The following GALNT2 variants were observed in gnomAD, a reference collection of about 807,000 sequenced individuals.
GALNT2 encodes UDP-GalNAc:polypeptide N-acetylgalactosaminyltransferase 2.
In GALNT2, 31 loss-of-function variants were observed where a neutral mutation model predicts 81.4. The ratio of observed to expected loss-of-function variants is 0.38; its 90% CI spans 0.29 to 0.51. The LOEUF (loss-of-function observed/expected upper bound fraction) is 0.51. GALNT2 is among the 20% of genes least tolerant of loss of function. The pLI, the probability that GALNT2 is intolerant of heterozygous loss-of-function variation, is 0.87. For synonymous variants in GALNT2, 303 were observed against 287.4 expected (o/e 1.05, Z -0.55); for missense variants, 629 against 765.7 (o/e 0.82, Z 2.11).
chr1:230,276,072 A>G (rs1308927952), intron 15 of GALNT2, among the ~76,000 whole-genome samples: 1 of 149,986 alleles, frequency 6.7e-6, no homozygotes, highest in Non-Finnish European at 1.5e-5. Context: ...GTATATATAC[A>G]TGCCACATAT....
At chr1:230,078,169 G>A (rs1020158423) in intron 1 of GALNT2, among the ~76,000 whole-genome samples, 1 of 152,126 alleles carries the variant, frequency 6.6e-6, no homozygotes, top group African/African-American at 2.4e-5. Context: ...TCATATCTGC[G>A]GGTTGCACAT....
At chr1:230,137,133 C>T (rs371910692) in intron 1 of GALNT2, among the ~76,000 whole-genome samples, 4 of 152,234 alleles carry the variant, frequency 2.6e-5, no homozygotes, top group Admixed American at 6.5e-5. Flanking sequence ...TTCCCACCCC[C>T]GCCTGCACCC....
chr1:230,243,218 C>T lies in GALNT2; in HGVS notation c.608-88C>T. On this transcript the variant is annotated intron_variant, in intron 6 of 15. Coordinates refer to ENST00000366672, the MANE Select transcript of GALNT2 (RefSeq NM_004481.5). This position sits in a 1 kb window ranked among gnomAD's most constrained non-coding sequence, Gnocchi z 4.2. Reference sequence around the variant, plus strand: ...GCCCAGAAAGCAGGCTGCAGAGCTGCGGGCAGGGAGGCGTCGCCGGTTGGC... The same window carrying T: ...GCCCAGAAAGCAGGCTGCAGAGCTGTGGGCAGGGAGGCGTCGCCGGTTGGC... The T allele has an allele frequency of 4.8e-6, 7 of 1,471,824 alleles. No individual in the cohort carries two copies. The highest frequency in any genetic ancestry group is 2.5e-5 in the East Asian group (1 of 40,664). 91.2% of individuals were successfully genotyped at this position (1,471,824 alleles called of 1,614,324 possible). A position where few individuals can be genotyped will look rare whatever the true frequency, so the allele number is the denominator to read the frequency against.
At chr1:230,080,392 A>G (rs563013940) in intron 1 of GALNT2, among the ~76,000 whole-genome samples, 1 of 152,314 alleles carries the variant, frequency 6.6e-6, no homozygotes, top group Admixed American at 6.5e-5. Context: ...AGGCCTTGAC[A>G]TCAGGCCCCG....
chr1:230,168,701 T>C (rs1481288753), intron 1 of GALNT2, among the ~76,000 whole-genome samples: 1 of 152,220 alleles, frequency 6.6e-6, no homozygotes, highest in Non-Finnish European at 1.5e-5. Flanking sequence ...TTTATTTTTT[T>C]CTAGAACAGT....
intron 1 of GALNT2, among the ~76,000 whole-genome samples, chr1:230,081,411 C>T (rs1457729007): frequency 1.3e-5 from 2 of 152,004 alleles, no homozygotes; most frequent in East Asian, 1.9e-4. Flanking sequence ...GTTTTAAGTG[C>T]GTGCTGTTTA....
intron 1 of GALNT2, among the ~76,000 whole-genome samples, chr1:230,152,094 T>C (rs1662110902): frequency 6.6e-6 from 1 of 152,174 alleles, no homozygotes; most frequent in Non-Finnish European, 1.5e-5. Context: ...CTTTATGACC[T>C]TATTTTGTGC....
At chr1:230,166,326 C>T (rs886267315) in intron 1 of GALNT2, among the ~76,000 whole-genome samples, 3 of 152,248 alleles carry the variant, frequency 2.0e-5, no homozygotes, top group African/African-American at 7.2e-5. Flanking sequence ...GCACTCCTCC[C>T]CGCAGCGTCA....
chr1:230,166,392 C>T (rs1373315347), intron 1 of GALNT2, among the ~76,000 whole-genome samples: 1 of 152,246 alleles, frequency 6.6e-6, no homozygotes, highest in Non-Finnish European at 1.5e-5. Flanking sequence ...TGGTGTGCCT[C>T]ACACGGTGTT....
At chr1:230,161,876 A>T (rs923670202) in intron 1 of GALNT2, among the ~76,000 whole-genome samples, 3 of 152,188 alleles carry the variant, frequency 2.0e-5, no homozygotes, top group Non-Finnish European at 2.9e-5. Flanking sequence ...TAAAAATTCA[A>T]CTTGACCACA....
chr1:230,227,259 T>G (rs530963293), intron 3 of GALNT2, among the ~76,000 whole-genome samples: 1 of 152,120 alleles, frequency 6.6e-6, no homozygotes, highest in Admixed American at 6.5e-5. Flanking sequence ...CTCAAATGGG[T>G]TTGCGTAAAA....
In GALNT2 at chr1:230,250,556, CCTAG is replaced by C. The variant is rs1379942677; in HGVS notation, c.1006_1009del (p.Leu336ArgfsTer101). 6.2e-7 allele frequency: 1 copy of C among 1,608,528 alleles called. No individual in the cohort carries two copies. On this transcript the variant is annotated frameshift_variant and splice_region_variant, in exon 10 of 16. Transcript: ENST00000366672. LOFTEE classifies it high-confidence loss of function. The stretch of plus-strand genomic sequence containing the variant: ...TGATGGATGTGTGGGGAGGAGAGAA[CCTAG>C]GTATGTACAAGCCTCAAATCTCAGG...
intron 6 of GALNT2, among the ~76,000 whole-genome samples, chr1:230,241,419 A>G (rs754624175): frequency 6.6e-6 from 1 of 151,312 alleles, no homozygotes; most frequent in Non-Finnish European, 1.5e-5. Flanking sequence ...GTACTTTGCT[A>G]GGATGAGTAT....
Position 230,195,182 on chromosome 1 carries a change from G to C in GALNT2, c.221-7955G>C, listed in dbSNP as rs549920261. Among the ~76,000 whole-genome samples the C allele has an allele frequency of 1.3e-3, 195 of 152,360 alleles. 1 individual carries two copies. Among genetic ancestry groups the C allele is most frequent in the African/African-American group, 4.5e-3 (188 of 41,584 alleles). On this transcript the variant is annotated intron_variant, in intron 2 of 15. Transcript: ENST00000366672. ...GGGCACAGCCAGAACCCGAGAGGTG[G>C]CTATAATTTCTGGGGAGTGACTTGG...
chr1:230,198,789 A>G (rs1323922281), intron 2 of GALNT2, among the ~76,000 whole-genome samples: 1 of 152,226 alleles, frequency 6.6e-6, no homozygotes, highest in Non-Finnish European at 1.5e-5. Flanking sequence ...CAAAGACCAC[A>G]TCTAAGAGAA....
At position 230,112,484 on chromosome 1, in the gene GALNT2, A is replaced by G. The variant is rs550106278; in HGVS notation, c.126+45078A>G. Among the ~76,000 whole-genome samples, 19 of 151,636 alleles carry G rather than the reference A, an allele frequency of 1.3e-4. No individual in the cohort carries two copies. The South Asian group carries it at 3.7e-3, about 30-fold the overall frequency. ...GAAAGCATTTATGCCTGTTTCTGAC[A>G]GAGATGCACACAGCTGGTCTGAATG... On this transcript the variant is annotated intron_variant, in intron 1 of 15. Coordinates refer to ENST00000366672, the MANE Select transcript of GALNT2 (RefSeq NM_004481.5).
chr1:230,265,139 T>C (rs1665994945), intron 13 of GALNT2, 102 bp from the exon 14 acceptor site: 1 of 1,509,228 alleles, frequency 6.6e-7, no homozygotes, highest in African/African-American at 1.4e-5. Flanking sequence ...GGTCTTTCTC[T>C]CGTTCCTGTC....
At chr1:230,184,635 T>G (rs912439874) in intron 2 of GALNT2, among the ~76,000 whole-genome samples, 11 of 152,286 alleles carry the variant, frequency 7.2e-5, no homozygotes, top group Admixed American at 5.2e-4. Flanking sequence ...CCTCTATTGA[T>G]AGGTAAGGTG....
chr1:230,137,681 G>C (rs7518206), intron 1 of GALNT2, among the ~76,000 whole-genome samples: 23,532 of 152,248 alleles, frequency 0.15, 2,303 homozygotes, highest in African/African-American at 0.25. Context: ...CACAGCTGTG[G>C]ATGTTTGCCA....
Sources: gnomAD v4.1 joint callset for allele counts (sites outside exome capture counted in the v4.1 genomes callset) on GRCh38, gnomAD v4.1.1 for gene constraint, Gnocchi (gnomAD v3.1) non-coding constraint, MANE v1.5 for transcripts, NCBI Gene and HGNC (gene_info 2026-07-23, HGNC 2026-07-21) for gene names.